Variants in CENPE observed in about 807,000 individuals in gnomAD.
CENPE encodes the protein centromere protein E.
Under a neutral mutation model 336.1 loss-of-function variants are expected in CENPE, and 145 were observed. The ratio of observed to expected loss-of-function variants is 0.43; its 90% CI spans 0.38 to 0.50. The LOEUF (loss-of-function observed/expected upper bound fraction) is 0.50, where lower values mean the gene tolerates loss of function less well. CENPE is among the 20% of genes least tolerant of loss of function. The probability of loss-of-function intolerance (pLI) is 0.00; values close to 1 mark genes in which losing one functional copy is unlikely to be tolerated. For synonymous variants in CENPE, 1,013 were observed against 984.8 expected (o/e 1.03, Z -0.54); for missense variants, 2,719 against 3,023.3 (o/e 0.90, Z 2.36).
At chr4:103,177,197 A>T (rs568154933) in intron 13 of CENPE, 151 bp from the exon 14 acceptor site, 8 of 490,262 alleles carry the variant, frequency 1.6e-5, no homozygotes, top group African/African-American at 6.1e-5. Flanking sequence ...GATATTGCTT[A>T]AAAAAAAAAT....
chr4:103,160,268 A>C (rs1271008637), intron 21 of CENPE, among the ~76,000 whole-genome samples: 3 of 151,764 alleles, frequency 2.0e-5, no homozygotes, highest in Non-Finnish European at 4.4e-5. Flanking sequence ...TTCCCTCATT[A>C]CTGTCTTTTA....
At chr4:103,162,530 G>A (rs1462654542) in intron 18 of CENPE, among the ~76,000 whole-genome samples, 1 of 151,036 alleles carries the variant, frequency 6.6e-6, no homozygotes, top group Non-Finnish European at 1.5e-5. Flanking sequence ...GCATGCATTT[G>A]TATAAAACTA....
Position 103,196,850 on chromosome 4 carries a change from T to G in CENPE, c.57A>C (p.Arg19Ser), listed in dbSNP as rs1757778517. 6.0e-6 allele frequency: 9 copies of G among 1,490,854 alleles called. No homozygotes were observed. Among genetic ancestry groups the G allele is most frequent in the Non-Finnish European group, 8.4e-6 (9 of 1,071,632 alleles). 92.4% of individuals were successfully genotyped at this position (1,490,854 alleles called of 1,614,324 possible). The change falls in exon 2 of 49, where the codon AGA becomes AGC. Residue 19 changes from arginine to serine, a missense_variant and splice_region_variant. Around this residue, in one of 5 missense-constraint regions of CENPE, gnomAD observed 48 missense variants for 50.8 expected, o/e 0.94. Transcript: ENST00000265148. The part of the protein sequence containing the change: ...VCVRVRPLNS[R>S]EESLGETAQV... ...GGGCAGTTTCTCCAAGTGATTCTTCTCTAAAAGAATAAAAACACCGCATTT... is the reference window on the plus strand; with the variant it reads ...GGGCAGTTTCTCCAAGTGATTCTTCGCTAAAAGAATAAAAACACCGCATTT...
chr4:103,197,103 A>G (rs1000593999), intron 1 of CENPE, among the ~76,000 whole-genome samples: 1 of 152,214 alleles, frequency 6.6e-6, no homozygotes, highest in African/African-American at 2.4e-5. Flanking sequence ...GATGGATTCA[A>G]AATGCAACTC....
intron 11 of CENPE, 110 bp downstream of exon 11, chr4:103,182,652 T>TA: frequency 1.2e-6 from 1 of 849,408 alleles, no homozygotes; most frequent in Admixed American, 2.7e-5. Context: ...AACATATCGA[T>TA]TATAACAGGC....
In CENPE at chr4:103,147,573, T is replaced by C. The variant is rs1753162839; in HGVS notation, c.3917A>G (p.Asn1306Ser). ...KEVSETQETM[N>S]ELELLTEQST... ...CTGTTCTGTTAATAACTCCAGTTCA[T>C]TCATTGTTTCCTGAGTCTCACTGAC... Residue 1306 changes from asparagine to serine, a missense_variant, in exon 29 of 49, where the codon AAT becomes AGT. Coordinates refer to ENST00000265148, the MANE Select transcript of CENPE (RefSeq NM_001813.3). 1.9e-6 allele frequency: 3 copies of C among 1,613,880 alleles called. No individual in the cohort carries two copies. Among genetic ancestry groups the C allele is most frequent in the Admixed American group, 3.3e-5 (2 of 60,008 alleles).
intron 42 of CENPE, among the ~76,000 whole-genome samples, chr4:103,129,861 A>C (rs1433484921): frequency 6.6e-6 from 1 of 152,260 alleles, no homozygotes; most frequent in Non-Finnish European, 1.5e-5. Flanking sequence ...CCAGGTATGC[A>C]AGGCTGGTTT....
chr4:103,139,694 A>G, intron 38 of CENPE, 95 bp downstream of exon 38: 1 of 1,192,406 alleles, frequency 8.4e-7, no homozygotes. Context: ...TGTTCATAGG[A>G]ATTTCCAGAG....
Position 103,139,890 on chromosome 4 carries a change from T to C in CENPE, c.6103A>G (p.Arg2035Gly). 3.7e-6 allele frequency: 6 copies of C among 1,613,372 alleles called. No homozygotes were observed. The highest frequency in any genetic ancestry group is 5.1e-6 in the Non-Finnish European group (6 of 1,179,582). The stretch of plus-strand genomic sequence containing the variant: ...TCATCTCTTTCTTTAGCTACAATTC[T>C]TATTTCTTCAAGGCTTTCATGAAGT... ...KKLHESLEEI[R>G]IVAKERDELR... The change falls in exon 38 of 49, where the codon AGA (arginine) becomes GGA (glycine). Residue 2035 changes from arginine (R) to glycine (G), a missense_variant. Arg to Gly is a moderately radical substitution (Grantham distance 125, BLOSUM62 -2). Coordinates refer to ENST00000265148, the MANE Select transcript of CENPE (RefSeq NM_001813.3).
intron 24 of CENPE, among the ~76,000 whole-genome samples, chr4:103,154,676 C>T (rs1005381695): frequency 2.0e-5 from 3 of 152,030 alleles, no homozygotes; most frequent in Non-Finnish European, 4.4e-5. Flanking sequence ...TATTTCAAAT[C>T]TGAACTCAGC....
chr4:103,132,689 T>G lies in CENPE; in HGVS notation c.6924+4A>C. On this transcript the variant is annotated splice_donor_region_variant and intron_variant, in intron 42 of 48. Transcript: ENST00000265148. ...AAAGTAGTACAGCAAAAAGTAATAC[T>G]TACAATTATTCTGTTATTAAAGAAG... 1 of 1,444,518 alleles carries G rather than the reference T, an allele frequency of 6.9e-7. No homozygotes were observed. The highest frequency in any genetic ancestry group is 2.4e-5 in the East Asian group (1 of 42,076). The allele number at this position is 1,444,518 out of a possible 1,614,324, so 89.5% of individuals were successfully genotyped here.
chr4:103,106,234 G>A lies in CENPE; in HGVS notation c.8094C>T (p.Cys2698=). Residue 2698 remains cysteine (C), a synonymous_variant, in exon 49 of 49, where the codon TGC becomes TGT. Transcript: ENST00000265148. ...HASSGKDVPE[C]KTQ ...GACAAAGAGGAGTCTACTGAGTTTTGCACTCAGGCACATCCTTGCCTGAGG... is the reference window on the plus strand; with the variant it reads ...GACAAAGAGGAGTCTACTGAGTTTTACACTCAGGCACATCCTTGCCTGAGG... 6.3e-7 allele frequency: 1 copy of A among 1,581,168 alleles called. No individual in the cohort carries two copies. The highest frequency in any genetic ancestry group is 8.6e-7 in the Non-Finnish European group (1 of 1,160,832).
intron 10 of CENPE, 126 bp downstream of exon 10, chr4:103,183,075 C>A (rs1756461454): frequency 8.0e-6 from 7 of 880,392 alleles, no homozygotes; most frequent in Non-Finnish European, 1.0e-5. Context: ...AGATTATAAT[C>A]ATATGTATAA....
chr4:103,139,023 T>C (rs1752311776), intron 38 of CENPE, among the ~76,000 whole-genome samples: 1 of 152,224 alleles, frequency 6.6e-6, no homozygotes, highest in Admixed American at 6.5e-5. Context: ...CTGTACTGTC[T>C]ATGGTGTTTC....
chr4:103,136,412 A>G, intron 39 of CENPE, 53 bp from the exon 40 acceptor site: 2 of 1,244,416 alleles, frequency 1.6e-6, no homozygotes, highest in Non-Finnish European at 2.3e-6. Flanking sequence ...TAATATCACA[A>G]TAAGTAGTTA....
chr4:103,109,844 T>C (rs1749230742), intron 47 of CENPE, among the ~76,000 whole-genome samples: 1 of 152,154 alleles, frequency 6.6e-6, no homozygotes, highest in African/African-American at 2.4e-5. Flanking sequence ...CCATTACATT[T>C]AGGATACCAC....
intron 25 of CENPE, 90 bp downstream of exon 25, chr4:103,152,957 G>T: frequency 2.2e-6 from 2 of 909,732 alleles, no homozygotes; most frequent in Non-Finnish European, 1.7e-6. Context: ...TACATTTATT[G>T]TATATAAATT....
At position 103,147,346 on chromosome 4, in the gene CENPE, C is replaced by A. The variant is rs551486783; in HGVS notation, c.4134+10G>T. 8 of 1,584,750 alleles carry A rather than the reference C, an allele frequency of 5.0e-6. No individual in the cohort carries two copies. In the South Asian group the frequency reaches 9.4e-5, roughly 19 times the overall value. Reference sequence around the variant, plus strand: ...CACTTGTTAAAATGGGAGGAAAATACGAAACTTACTTTAGCCAAAGTTTCT... The same window carrying A: ...CACTTGTTAAAATGGGAGGAAAATAAGAAACTTACTTTAGCCAAAGTTTCT... On this transcript the variant is annotated intron_variant, in intron 29 of 48. Transcript: ENST00000265148.
intron 33 of CENPE, 97 bp downstream of exon 33, chr4:103,144,234 C>A: frequency 9.0e-7 from 1 of 1,111,538 alleles, no homozygotes; most frequent in Admixed American, 2.6e-5. Context: ...CCGCGCCCGG[C>A]CTGGACCAAT....
Sources: gnomAD v4.1 joint callset for allele counts (sites outside exome capture counted in the v4.1 genomes callset) on GRCh38, gnomAD v4.1.1 for gene constraint, gnomAD v4.1.1 regional missense constraint, MANE v1.5 for transcripts, NCBI Gene and HGNC (gene_info 2026-07-23, HGNC 2026-07-21) for gene names.